Variants in NCOA2 observed in about 807,000 individuals in gnomAD.
The protein encoded by NCOA2 is nuclear receptor coactivator 2.
NCOA2 carries 21 observed loss-of-function variants against 145.1 expected under a neutral mutation model. The observed-to-expected ratio is 0.14, with a 90% CI of 0.10 to 0.21. The LOEUF (loss-of-function observed/expected upper bound fraction) is 0.21, where lower values mean the gene tolerates loss of function less well. Ranked by LOEUF, NCOA2 falls within the 10% of genes least tolerant of loss-of-function variation. The pLI is 1.00. For missense variants in NCOA2, 1,472 were observed against 1,837.6 expected (o/e 0.80, Z 3.64); for synonymous variants, 619 against 637.5 (o/e 0.97, Z 0.44).
rs111361533 is a variant in NCOA2, at chr8:70,171,822, C to G, written c.364-1443G>C. On this transcript the variant is annotated intron_variant, in intron 5 of 22. Coordinates refer to ENST00000452400, the MANE Select transcript of NCOA2 (RefSeq NM_006540.4). ...GGATCACAGGTATGCACCACCACAC[C>G]CAGATATTTTTTATTTTTTGAGACA... 3.8e-3 allele frequency among the ~76,000 whole-genome samples: 580 copies of G among 151,486 alleles called. 9 individuals are homozygous for G. The highest frequency in any genetic ancestry group is 0.014 in the African/African-American group (557 of 41,258).
rs535521739 is a variant in NCOA2 at position 70,131,802 on chromosome 8, C to T, written c.3324+35G>A. ...ATGGACACCTCTGCGCCCATGAGAG[C>T]GCTTGGCCCCCACCTGCTGCCCTTC... is the stretch of plus-strand genomic sequence containing the variant. On this transcript the variant is annotated intron_variant, in intron 16 of 22. Coordinates refer to ENST00000452400, the MANE Select transcript of NCOA2 (RefSeq NM_006540.4). 8.3e-6 allele frequency: 13 copies of T among 1,560,624 alleles called. No individual in the cohort carries two copies. The East Asian group carries it at 1.4e-4, about 17-fold the overall frequency.
intron 1 of NCOA2, among the ~76,000 whole-genome samples, chr8:70,316,256 T>A (rs1051037573): frequency 2.0e-5 from 3 of 152,174 alleles, no homozygotes; most frequent in African/African-American, 7.2e-5. Context: ...CAAAGTCTTA[T>A]TAGATTTGGA....
At position 70,157,209 on chromosome 8, in the gene NCOA2, G is replaced by C. The variant is rs773371961; in HGVS notation, c.1156C>G (p.Leu386Val). Reference protein sequence around the residue: ...EQNVCVMNPDLTGQTMGKPLN... With the variant: ...EQNVCVMNPDVTGQTMGKPLN... ...GGCTTCCCCATCGTTTGTCCAGTCAGATCCGGATTCATCACACACACATTC... is the reference window on the plus strand; with the variant it reads ...GGCTTCCCCATCGTTTGTCCAGTCACATCCGGATTCATCACACACACATTC... Residue 386 changes from leucine (L) to valine (V), a missense_variant, in exon 11 of 23, where the codon CTG (leucine) becomes GTG (valine). Around this residue, in one of 4 missense-constraint regions of NCOA2, gnomAD observed 953 missense variants for 1,062.1 expected, o/e 0.90. Transcript: ENST00000452400. The C allele has an allele frequency of 1.5e-4, 237 of 1,572,114 alleles. No homozygotes were observed. The highest frequency in any genetic ancestry group is 1.9e-4 in the Non-Finnish European group (225 of 1,156,380).
intron 2 of NCOA2, among the ~76,000 whole-genome samples, chr8:70,257,774 C>G (rs146320698): frequency 1.6e-4 from 24 of 151,900 alleles, no homozygotes; most frequent in African/African-American, 5.8e-4. Flanking sequence ...CCTGTTGTCC[C>G]TTGGCTTCAA....
intron 2 of NCOA2, among the ~76,000 whole-genome samples, chr8:70,217,968 GA>G (rs112811456): frequency 0.012 from 1,656 of 133,196 alleles, 23 homozygotes; most frequent in African/African-American, 0.04. Flanking sequence ...TTTCTGGATA[GA>G]AAAAAAAAAA....
At chr8:70,148,552 T>C (rs1190194250) in intron 11 of NCOA2, 69 bp from the exon 12 acceptor site, 4 of 1,442,392 alleles carry the variant, frequency 2.8e-6, no homozygotes, top group Non-Finnish European at 2.9e-6. Context: ...CCATTTGCAA[T>C]CACTGACCTA....
At chr8:70,239,031 CTG>C (rs1821893791) in intron 2 of NCOA2, among the ~76,000 whole-genome samples, 2 of 152,174 alleles carry the variant, frequency 1.3e-5, no homozygotes, top group Admixed American at 6.5e-5. Context: ...ACATTAACCT[CTG>C]TATAAGAAAC....
At chr8:70,274,047 C>T (rs567966757) in intron 2 of NCOA2, among the ~76,000 whole-genome samples, 7 of 152,172 alleles carry the variant, frequency 4.6e-5, no homozygotes, top group Non-Finnish European at 7.3e-5. Context: ...TTCTTTGCAG[C>T]TAATTAAGCC....
chr8:70,189,716 C>A (rs1047321710), intron 4 of NCOA2, among the ~76,000 whole-genome samples: 8 of 152,288 alleles, frequency 5.3e-5, no homozygotes, highest in Non-Finnish European at 1.2e-4. Context: ...AGCTCTGCCT[C>A]TTATAGGGTT....
intron 4 of NCOA2, among the ~76,000 whole-genome samples, chr8:70,201,549 G>A (rs1209428775): frequency 1.3e-5 from 2 of 152,168 alleles, no homozygotes; most frequent in African/African-American, 4.8e-5. Context: ...AAAAACACAA[G>A]CTCCTACACT....
intron 1 of NCOA2, among the ~76,000 whole-genome samples, chr8:70,389,644 T>C (rs1193359016): frequency 6.6e-6 from 1 of 151,854 alleles, no homozygotes; most frequent in Non-Finnish European, 1.5e-5. Context: ...GAGAATGTCA[T>C]CAAGTATGTC....
chr8:70,428,629 A>G, the NCOA2 span, among the ~76,000 whole-genome samples: 1 of 152,152 alleles, frequency 6.6e-6, no homozygotes, highest in African/African-American at 2.4e-5. Context: ...TCTAAAAATA[A>G]AAATAAAAAT....
At chr8:70,287,243 C>CA (rs1347351000) in intron 2 of NCOA2, among the ~76,000 whole-genome samples, 1 of 151,742 alleles carries the variant, frequency 6.6e-6, no homozygotes, top group Non-Finnish European at 1.5e-5. Flanking sequence ...GATCCTGTCT[C>CA]AAAAAATATA....
chr8:70,378,532 T>C (rs1008773398), intron 1 of NCOA2, among the ~76,000 whole-genome samples: 2 of 151,990 alleles, frequency 1.3e-5, no homozygotes, highest in African/African-American at 2.4e-5. Flanking sequence ...AGATGGTTTG[T>C]AGCTTTGGTA....
chr8:70,233,105 C>A (rs535202294), intron 2 of NCOA2, among the ~76,000 whole-genome samples: 3 of 28,464 alleles, frequency 1.1e-4, no homozygotes, highest in Non-Finnish European at 2.3e-4. Context: ...TCCGCCTGTA[C>A]TCCCAAGCTA....
the NCOA2 span, among the ~76,000 whole-genome samples, chr8:70,425,851 G>C: frequency 6.6e-6 from 1 of 152,088 alleles, no homozygotes; most frequent in Non-Finnish European, 1.5e-5. Flanking sequence ...GGGGCTTTGT[G>C]TGCCACTATG....
intron 2 of NCOA2, among the ~76,000 whole-genome samples, chr8:70,252,878 T>C (rs572437909): frequency 3.3e-5 from 5 of 152,344 alleles, no homozygotes; most frequent in Admixed American, 2.6e-4. Flanking sequence ...ACAGGCACAA[T>C]AGACACTTGT....
the NCOA2 span, among the ~76,000 whole-genome samples, chr8:70,409,672 C>T: frequency 3.3e-5 from 5 of 152,092 alleles, no homozygotes; most frequent in Admixed American, 3.3e-4. Flanking sequence ...GAGTTCAAGA[C>T]TAGCCTGGGC....
chr8:70,308,234 T>C (rs977563250), intron 1 of NCOA2, among the ~76,000 whole-genome samples: 1 of 152,180 alleles, frequency 6.6e-6, no homozygotes, highest in African/African-American at 2.4e-5. Flanking sequence ...AGCTTACTGT[T>C]TCATGGGGCT....
Sources: gnomAD v4.1 joint callset for allele counts (sites outside exome capture counted in the v4.1 genomes callset) on GRCh38, gnomAD v4.1.1 for gene constraint, gnomAD v4.1.1 regional missense constraint, MANE v1.5 for transcripts, NCBI Gene and HGNC (gene_info 2026-07-23, HGNC 2026-07-21) for gene names.